The following TNRC6B variants were observed in gnomAD, a reference collection of about 807,000 sequenced individuals.
The protein encoded by TNRC6B is trinucleotide repeat-containing gene 6B protein.
A neutral mutation model predicts 203.6 loss-of-function variants in TNRC6B; 52 were observed. That is an observed-to-expected ratio of 0.26 (90% confidence interval 0.20 to 0.32). The LOEUF is 0.32. Ranked by LOEUF, TNRC6B falls within the 10% of genes least tolerant of loss-of-function variation. The pLI is 1.00. For synonymous variants in TNRC6B, 838 were observed against 845.7 expected, an observed-to-expected ratio of 0.99 and a Z score of 0.16; for missense variants, 1,923 against 2,286.2, an observed-to-expected ratio of 0.84 and a Z score of 3.24.
intron 4 of TNRC6B, among the ~76,000 whole-genome samples, chr22:40,165,765 C>T (rs189236680): frequency 1.6e-4 from 24 of 152,124 alleles, no homozygotes; most frequent in African/African-American, 5.6e-4. Flanking sequence ...GGGGGGAAAG[C>T]TCCTTATATA....
chr22:40,057,816 C>T (rs909035368), intron 1 of TNRC6B, among the ~76,000 whole-genome samples: 2 of 152,080 alleles, frequency 1.3e-5, no homozygotes, highest in African/African-American at 4.8e-5. Flanking sequence ...ATGTCTTTCT[C>T]CTGTGAAAAT....
At chr22:40,150,295 G>A (rs1290915388) in intron 3 of TNRC6B, among the ~76,000 whole-genome samples, 3 of 152,186 alleles carry the variant, frequency 2.0e-5, no homozygotes, top group East Asian at 1.9e-4. Flanking sequence ...GGAGAATGGC[G>A]TGAACCCGGA....
chr22:40,263,887 C>T (rs766064890), intron 4 of TNRC6B, among the ~76,000 whole-genome samples: 3 of 152,210 alleles, frequency 2.0e-5, no homozygotes, highest in South Asian at 2.1e-4. Flanking sequence ...GGAATTCTAA[C>T]GTTAGCAAGT....
intron 1 of TNRC6B, among the ~76,000 whole-genome samples, chr22:40,182,043 G>C (rs748940858): frequency 1.3e-5 from 2 of 151,804 alleles, no homozygotes; most frequent in South Asian, 2.1e-4. Context: ...AGGAGTTCGA[G>C]ACCAGCCTGG....
At chr22:40,164,272 C>T (rs1259290588) in intron 4 of TNRC6B, among the ~76,000 whole-genome samples, 1 of 149,992 alleles carries the variant, frequency 6.7e-6, no homozygotes, top group Non-Finnish European at 1.5e-5. Flanking sequence ...CCTGTAATCC[C>T]AGCTACTCGG....
intron 1 of TNRC6B, among the ~76,000 whole-genome samples, chr22:40,097,570 A>T (rs541057822): frequency 6.6e-6 from 1 of 151,690 alleles, no homozygotes; most frequent in African/African-American, 2.4e-5. Context: ...CAAAGTGCTG[A>T]ATTTACAGGT....
chr22:40,256,215 T>C (rs1450701557), intron 3 of TNRC6B, among the ~76,000 whole-genome samples: 3 of 151,886 alleles, frequency 2.0e-5, no homozygotes, highest in African/African-American at 4.8e-5. Flanking sequence ...AGAAATGAGA[T>C]TGGGGCTAGG....
intron 3 of TNRC6B, among the ~76,000 whole-genome samples, chr22:40,136,329 G>C (rs543957595): frequency 4.2e-4 from 64 of 151,566 alleles, no homozygotes; most frequent in Non-Finnish European, 8.1e-4. Flanking sequence ...GAGCCGTTGG[G>C]TGTCTGTGAT....
chr22:40,176,975 G>A (rs1365011787), upstream of TNRC6B, among the ~76,000 whole-genome samples: 3 of 152,168 alleles, frequency 2.0e-5, no homozygotes, highest in African/African-American at 4.8e-5. Flanking sequence ...AGAAAACGGA[G>A]GCCAGGCAGG....
At chr22:40,172,414 C>T (rs897129562) in intron 4 of TNRC6B, among the ~76,000 whole-genome samples, 1 of 152,218 alleles carries the variant, frequency 6.6e-6, no homozygotes, top group Non-Finnish European at 1.5e-5. Context: ...GTACTTAGTA[C>T]ATATTTATTG....
intron 3 of TNRC6B, among the ~76,000 whole-genome samples, chr22:40,153,771 C>CA (rs1455238142): frequency 6.6e-6 from 1 of 151,130 alleles, no homozygotes; most frequent in Non-Finnish European, 1.5e-5. Context: ...GAGGGTGGGG[C>CA]AGGGGTGGAA....
intron 3 of TNRC6B, among the ~76,000 whole-genome samples, chr22:40,135,636 A>C (rs1228590755): frequency 6.6e-6 from 1 of 152,028 alleles, no homozygotes; most frequent in South Asian, 2.1e-4. Flanking sequence ...GGAATAGCTG[A>C]GACTACAGGT....
intron 15 of TNRC6B, chr22:40,301,551 A>C: frequency 5.4e-6 from 3 of 554,058 alleles, no homozygotes; most frequent in Non-Finnish European, 9.5e-6. Flanking sequence ...CCAGGCCTCT[A>C]ACTTCTCTGG....
chr22:40,163,448 C>A (rs1312520147), intron 4 of TNRC6B, among the ~76,000 whole-genome samples: 1 of 82,670 alleles, frequency 1.2e-5, no homozygotes, highest in African/African-American at 4.8e-5. Flanking sequence ...CAGAATGAGA[C>A]CCTGTCTCAA....
intron 17 of TNRC6B, among the ~76,000 whole-genome samples, chr22:40,311,490 G>A (rs185101009): frequency 6.6e-6 from 1 of 151,642 alleles, no homozygotes; most frequent in South Asian, 2.1e-4. Context: ...ACCTCTTTCT[G>A]TGCATGCGTA....
intron 6 of TNRC6B, among the ~76,000 whole-genome samples, chr22:40,272,662 T>A (rs1228490919): frequency 1.3e-5 from 2 of 152,208 alleles, no homozygotes; most frequent in African/African-American, 4.8e-5. Flanking sequence ...GTCTTCAAAT[T>A]AAAGATCTTT....
At chr22:40,263,610 T>G (rs2070421765) in intron 4 of TNRC6B, among the ~76,000 whole-genome samples, 2 of 152,242 alleles carry the variant, frequency 1.3e-5, no homozygotes, top group Admixed American at 1.3e-4. Context: ...TCAAATTGAT[T>G]AAAAGCTGCC....
intron 4 of TNRC6B, among the ~76,000 whole-genome samples, chr22:40,164,873 C>T (rs2068905288): frequency 6.7e-6 from 1 of 150,298 alleles, no homozygotes; most frequent in Non-Finnish European, 1.5e-5. Context: ...CCTCCGCCTC[C>T]AGGGTTCAAG....
At chr22:40,269,077 C>CT in intron 5 of TNRC6B, among the ~76,000 whole-genome samples, 1 of 149,246 alleles carries the variant, frequency 6.7e-6, no homozygotes, top group Non-Finnish European at 1.5e-5. Flanking sequence ...CTTATAGCTT[C>CT]CAATTTTAGC....
Sources: gnomAD v4.1 joint callset for allele counts (sites outside exome capture counted in the v4.1 genomes callset) on GRCh38, gnomAD v4.1.1 for gene constraint, MANE v1.5 for transcripts, NCBI Gene and HGNC (gene_info 2026-07-23, HGNC 2026-07-21) for gene names.